Variants in RBM47 observed in about 807,000 individuals in gnomAD.
RBM47 encodes the protein RNA-binding protein 47.
A neutral mutation model predicts 47.1 loss-of-function variants in RBM47; 21 were observed. The observed-to-expected ratio is 0.45, with a 90% CI of 0.32 to 0.64. RBM47 has a LOEUF of 0.64. RBM47 is among the 30% of genes least tolerant of loss of function. The probability of loss-of-function intolerance (pLI) is 0.05; values close to 1 mark genes in which losing one functional copy is unlikely to be tolerated. For missense variants in RBM47, 708 were observed against 870.9 expected (o/e 0.81, Z 2.35); for synonymous variants, 375 against 361.7 (o/e 1.04, Z -0.42).
intron 2 of RBM47, among the ~76,000 whole-genome samples, chr4:40,540,657 T>TA (rs1728439836): frequency 1.9e-5 from 2 of 104,614 alleles, no homozygotes; most frequent in Non-Finnish European, 3.5e-5. Context: ...AAAAAAATAA[T>TA]AATAATAATA....
chr4:40,513,054 C>T (rs1337520489), intron 2 of RBM47, among the ~76,000 whole-genome samples: 1 of 152,210 alleles, frequency 6.6e-6, no homozygotes, highest in Non-Finnish European at 1.5e-5. Context: ...ACCTGCCATG[C>T]TTCCAGGGAA....
chr4:40,500,385 G>A (rs955363780), intron 2 of RBM47, among the ~76,000 whole-genome samples: 1 of 152,168 alleles, frequency 6.6e-6, no homozygotes, highest in Non-Finnish European at 1.5e-5. Flanking sequence ...GCCGAGATGG[G>A]CGAAATGCTT....
intron 2 of RBM47, among the ~76,000 whole-genome samples, chr4:40,530,508 G>A (rs1375272340): frequency 6.6e-6 from 1 of 151,468 alleles, no homozygotes; most frequent in Non-Finnish European, 1.5e-5. Flanking sequence ...TCACTATATT[G>A]GCCAGGCTGG....
At chr4:40,434,080 ATCTT>A (rs972756991) in intron 5 of RBM47, among the ~76,000 whole-genome samples, 5 of 150,760 alleles carry the variant, frequency 3.3e-5, no homozygotes, top group South Asian at 2.1e-4. Context: ...TACACAAAGA[ATCTT>A]TCTATTTCTG....
At chr4:40,611,760 A>C (rs1736284809) in intron 1 of RBM47, among the ~76,000 whole-genome samples, 1 of 151,952 alleles carries the variant, frequency 6.6e-6, no homozygotes, top group Admixed American at 6.6e-5. Flanking sequence ...AAACAAAAAA[A>C]ACCACCCACA....
intron 1 of RBM47, among the ~76,000 whole-genome samples, chr4:40,558,416 C>T (rs918767260): frequency 2.0e-5 from 3 of 151,670 alleles, no homozygotes; most frequent in Non-Finnish European, 4.4e-5. Context: ...TGGTGGCTCA[C>T]GCCTGTAATC....
At position 40,438,480 on chromosome 4, in the gene RBM47, C is replaced by G. The variant is rs1412019327; in HGVS notation, c.414G>C (p.Pro138=). ...TGCAGCACACGCCGAGCAGGCGGCC[C>G]GGGCGGATCTCGTAGTTGTTGAGCT... The part of the protein sequence containing the change: ...VRELNNYEIR[P]GRLLGVCCSV... Residue 138 remains proline, a synonymous_variant, in exon 4 of 7, where the codon CCG becomes CCC. Transcript: ENST00000295971. The G allele has an allele frequency of 3.7e-6, 6 of 1,613,502 alleles. No individual in the cohort carries two copies. The highest frequency in any genetic ancestry group is 3.3e-4 in the Middle Eastern group (2 of 6,062).
intron 1 of RBM47, among the ~76,000 whole-genome samples, chr4:40,556,984 G>T (rs895434835): frequency 1.1e-4 from 17 of 149,110 alleles, no homozygotes; most frequent in Non-Finnish European, 2.4e-4. Flanking sequence ...GGGCACGTTG[G>T]GGGGAGTTGT....
At position 40,423,712 on chromosome 4, in the gene RBM47, C is replaced by CT. The variant is rs36086958; in HGVS notation, c.*2191dup. The CT allele has an allele frequency of 1.9e-5, 1 of 51,460 alleles. No homozygotes were observed. Among genetic ancestry groups the CT allele is most frequent in the Non-Finnish European group, 3.5e-5 (1 of 28,918 alleles). 3.2% of individuals were successfully genotyped at this position (51,460 alleles called of 1,614,324 possible). On this transcript the variant is annotated 3_prime_UTR_variant, in exon 7 of 7. Coordinates refer to ENST00000295971, the MANE Select transcript of RBM47 (RefSeq NM_001098634.2). ...TCTTTCTTTCTTTCTTTCTTTCTTT[C>CT]TTTTCTTTCTTTTCTTTCTTCCTCT...
intron 1 of RBM47, among the ~76,000 whole-genome samples, chr4:40,572,850 A>T (rs1157869043): frequency 6.6e-6 from 1 of 151,866 alleles, no homozygotes; most frequent in Non-Finnish European, 1.5e-5. Flanking sequence ...ATTAAAATTC[A>T]CCACAAAATT....
intron 1 of RBM47, among the ~76,000 whole-genome samples, chr4:40,548,664 C>T (rs941983321): frequency 6.6e-6 from 1 of 151,796 alleles, no homozygotes; most frequent in Admixed American, 6.6e-5. Context: ...AATCTGAGTA[C>T]ATATTACTTT....
At chr4:40,445,200 A>G (rs1340281108) in intron 3 of RBM47, among the ~76,000 whole-genome samples, 2 of 148,856 alleles carry the variant, frequency 1.3e-5, no homozygotes, top group African/African-American at 2.5e-5. Context: ...CGTGAGCCCG[A>G]GAGTCGGAGC....
chr4:40,502,733 C>A lies in RBM47; in HGVS notation c.-154-36034G>T, dbSNP rs879260431. 2.9e-3 allele frequency among the ~76,000 whole-genome samples: 437 copies of A among 152,180 alleles called. 2 individuals are homozygous for A. The highest frequency in any genetic ancestry group is 9.3e-3 in the African/African-American group (385 of 41,532). ...TGGTGACATGCACCTGTAGCTCCAG[C>A]TATTCAGGAGGTTGAGGCAGGAAGA... On this transcript the variant is annotated intron_variant, in intron 2 of 6. Coordinates refer to ENST00000295971, the MANE Select transcript of RBM47 (RefSeq NM_001098634.2).
chr4:40,445,509 C>A (rs940792148), intron 3 of RBM47, among the ~76,000 whole-genome samples: 3 of 152,174 alleles, frequency 2.0e-5, no homozygotes, highest in Admixed American at 2.0e-4. Context: ...TAGTTATTGA[C>A]CACCTGCTAT....
At chr4:40,581,733 A>AGT (rs1553904749) in intron 1 of RBM47, among the ~76,000 whole-genome samples, 12 of 151,172 alleles carry the variant, frequency 7.9e-5, no homozygotes, top group Non-Finnish European at 1.8e-4. Flanking sequence ...GGTGTGTGTG[A>AGT]AGAGAGGCTG....
At chr4:40,481,161 G>A (rs1054230615) in intron 2 of RBM47, among the ~76,000 whole-genome samples, 7 of 152,018 alleles carry the variant, frequency 4.6e-5, no homozygotes, top group Admixed American at 6.6e-5. Context: ...GATTTATCAA[G>A]TACTATGCTC....
Position 40,576,255 on chromosome 4 carries a change from T to G in RBM47, c.-239-31749A>C, listed in dbSNP as rs55954393. 8.0e-3 allele frequency among the ~76,000 whole-genome samples: 490 copies of G among 61,184 alleles called. 6 individuals are homozygous for G. Among genetic ancestry groups the G allele is most frequent in the African/African-American group, 0.032 (425 of 13,324 alleles). 40.1% of individuals were successfully genotyped at this position (61,184 alleles called of 152,430 possible). ...TCTCTTTTCTGTTTTTTTTTTTTTT[T>G]TGGGGGGGGGCGGAGACAGGGTCTC... On this transcript the variant is annotated intron_variant, in intron 1 of 6. Transcript: ENST00000295971.
At chr4:40,454,331 C>A (rs958668742) in intron 3 of RBM47, among the ~76,000 whole-genome samples, 1 of 152,172 alleles carries the variant, frequency 6.6e-6, no homozygotes, top group Non-Finnish European at 1.5e-5. Context: ...TCCTCATTAT[C>A]GTCACCTGCA....
chr4:40,592,985 T>A (rs1282477265), intron 1 of RBM47, among the ~76,000 whole-genome samples: 137 of 20,608 alleles, frequency 6.6e-3, no homozygotes, highest in East Asian at 0.017. Flanking sequence ...ATATATTTTT[T>A]TTTTTTTTTT....
Sources: gnomAD v4.1 joint callset for allele counts (sites outside exome capture counted in the v4.1 genomes callset) on GRCh38, gnomAD v4.1.1 for gene constraint, MANE v1.5 for transcripts, NCBI Gene and HGNC (gene_info 2026-07-23, HGNC 2026-07-21) for gene names.